Variants in CLIC5 observed in about 807,000 individuals in gnomAD.
CLIC5 encodes CLIC family member 5.
CLIC5 carries 20 observed loss-of-function variants against 24.7 expected under a neutral mutation model. The ratio of observed to expected loss-of-function variants is 0.81; its 90% CI spans 0.57 to 1.18. The LOEUF (loss-of-function observed/expected upper bound fraction) is 1.18, where lower values mean the gene tolerates loss of function less well. Ranked by LOEUF, CLIC5 falls within the 50% of genes most tolerant of loss-of-function variation. CLIC5 has a pLI of 0.00. For missense variants in CLIC5, 341 were observed against 326.1 expected, an observed-to-expected ratio of 1.05 and a Z score of -0.35; for synonymous variants, 159 against 135.6, an observed-to-expected ratio of 1.17 and a Z score of -1.20.
chr6:45,923,644 C>T (rs1377947045), intron 4 of CLIC5, among the ~76,000 whole-genome samples: 1 of 152,166 alleles, frequency 6.6e-6, no homozygotes, highest in South Asian at 2.1e-4. Flanking sequence ...TGGGTGAGGA[C>T]CCTGATGGGG....
intron 5 of CLIC5, among the ~76,000 whole-genome samples, chr6:45,903,936 T>C (rs754836205): frequency 1.4e-4 from 22 of 152,316 alleles, no homozygotes; most frequent in Non-Finnish European, 2.9e-4. Flanking sequence ...TTGGAATGTA[T>C]ATGTAGGTTT....
At chr6:46,016,681 T>C (rs1222415247), upstream of CLIC5, among the ~76,000 whole-genome samples, 2 of 152,184 alleles carry the variant, frequency 1.3e-5, no homozygotes, top group African/African-American at 4.8e-5. Flanking sequence ...AACCCACCCA[T>C]GTAACGAGCG....
At chr6:45,990,323 T>G (rs557739447) in intron 1 of CLIC5, among the ~76,000 whole-genome samples, 4 of 152,194 alleles carry the variant, frequency 2.6e-5, no homozygotes, top group Non-Finnish European at 5.9e-5. Context: ...TAGTTTCCAT[T>G]CCAGCAATAG....
upstream of CLIC5, among the ~76,000 whole-genome samples, chr6:46,016,944 G>A (rs1411735119): frequency 1.3e-5 from 2 of 152,190 alleles, no homozygotes; most frequent in African/African-American, 4.8e-5. Context: ...TCATTCTTCT[G>A]TCAATGGACA....
At position 45,930,782 on chromosome 6, in the gene CLIC5, G is replaced by A. The variant is rs139085458; in HGVS notation, c.406+10765C>T. 6.0e-3 allele frequency among the ~76,000 whole-genome samples: 913 copies of A among 152,268 alleles called. 6 individuals are homozygous for A. The highest frequency in any genetic ancestry group is 0.02 in the African/African-American group (849 of 41,560). The stretch of plus-strand genomic sequence containing the variant: ...TGGTGCCTACTGTGTGCCAGGAACT[G>A]TCCTAAGTGATTTATATGCATTAAT... On this transcript the variant is annotated intron_variant, in intron 4 of 5. Transcript: ENST00000339561.
At chr6:46,090,542 GTTCAT>G in the CLIC5 span, among the ~76,000 whole-genome samples, 1 of 151,758 alleles carries the variant, frequency 6.6e-6, no homozygotes, top group African/African-American at 2.4e-5. Flanking sequence ...ATTTTTTACA[GTTCAT>G]TTAACAACCC....
intron 1 of CLIC5, among the ~76,000 whole-genome samples, chr6:46,058,053 T>C (rs1177247585): frequency 1.3e-5 from 2 of 150,958 alleles, no homozygotes; most frequent in Non-Finnish European, 2.9e-5. Flanking sequence ...CCACACATTA[T>C]CACTTTGTAT....
intron 1 of CLIC5, among the ~76,000 whole-genome samples, chr6:46,036,304 GTCTT>G (rs1344181067): frequency 7.2e-6 from 1 of 138,554 alleles, no homozygotes; most frequent in Non-Finnish European, 1.5e-5. Flanking sequence ...AGACTGCAAG[GTCTT>G]TTTTTTTTTT....
the CLIC5 span, among the ~76,000 whole-genome samples, chr6:46,124,463 C>A: frequency 6.6e-6 from 1 of 152,178 alleles, no homozygotes; most frequent in Non-Finnish European, 1.5e-5. Context: ...GTCCTAAAAC[C>A]ATTGAAACCC....
intron 1 of CLIC5, among the ~76,000 whole-genome samples, chr6:46,068,439 T>C (rs945897834): frequency 1.3e-5 from 2 of 152,112 alleles, no homozygotes; most frequent in Admixed American, 6.6e-5. Flanking sequence ...CCTCCCTCCT[T>C]CCTTCATTCA....
chr6:46,010,300 A>AC (rs1395154906), intron 1 of CLIC5, among the ~76,000 whole-genome samples: 4 of 152,126 alleles, frequency 2.6e-5, no homozygotes, highest in Non-Finnish European at 4.4e-5. Context: ...AATAGGCCAG[A>AC]TCCATACTCA....
chr6:45,999,227 A>G (rs1766261756), intron 1 of CLIC5, among the ~76,000 whole-genome samples: 1 of 152,226 alleles, frequency 6.6e-6, no homozygotes, highest in African/African-American at 2.4e-5. Flanking sequence ...CTGCCAGTTG[A>G]AAATAACAGA....
intron 1 of CLIC5, among the ~76,000 whole-genome samples, chr6:46,071,734 G>A (rs555585476): frequency 6.6e-6 from 1 of 152,058 alleles, no homozygotes; most frequent in African/African-American, 2.4e-5. Flanking sequence ...TCTCATTACT[G>A]GGTATATACC....
chr6:46,017,624 G>A (rs371992941), upstream of CLIC5, among the ~76,000 whole-genome samples: 15 of 152,274 alleles, frequency 9.9e-5, no homozygotes, highest in South Asian at 2.9e-3. Flanking sequence ...TCTTAACAGA[G>A]ATCAAAATCC....
At chr6:46,014,193 C>T (rs944809976) in intron 1 of CLIC5, 5 of 152,178 alleles carry the variant, frequency 3.3e-5, no homozygotes, top group African/African-American at 1.2e-4. Flanking sequence ...TTTAACAAAC[C>T]TTTGTGGTAG....
intron 2 of CLIC5, 81 bp from the exon 3 acceptor site, chr6:45,949,462 A>T: frequency 6.8e-7 from 1 of 1,480,638 alleles, no homozygotes; most frequent in Non-Finnish European, 9.2e-7. Context: ...ATTGTAACTT[A>T]GATGCCCTGT....
intron 6 of CLIC5, among the ~76,000 whole-genome samples, chr6:45,889,950 T>C (rs906301336): frequency 1.3e-5 from 2 of 152,200 alleles, no homozygotes; most frequent in Non-Finnish European, 2.9e-5. Context: ...AAACACTATA[T>C]AGATGTTACA....
At chr6:45,979,452 G>A (rs886929984) in intron 1 of CLIC5, among the ~76,000 whole-genome samples, 1 of 152,204 alleles carries the variant, frequency 6.6e-6, no homozygotes, top group Non-Finnish European at 1.5e-5. Flanking sequence ...TGAATTAAGA[G>A]CCTGTCTCTG....
At chr6:45,997,696 T>G (rs1766202049) in intron 1 of CLIC5, among the ~76,000 whole-genome samples, 1 of 152,186 alleles carries the variant, frequency 6.6e-6, no homozygotes, top group Non-Finnish European at 1.5e-5. Flanking sequence ...AAAAGTGCCC[T>G]TTATTGTTAC....
Sources: allele counts gnomAD v4.1 joint callset (sites outside exome capture counted in the v4.1 genomes callset), GRCh38; gene constraint gnomAD v4.1.1; transcripts MANE v1.5; gene names NCBI Gene and HGNC (gene_info 2026-07-23, HGNC 2026-07-21).